The following BMAL2 variants were observed in gnomAD, a reference collection of about 807,000 sequenced individuals.
BMAL2 encodes basic helix-loop-helix ARNT like 2, also known as basic helix-loop-helix ARNT-like protein 2.
chr12:27,343,143 G>A, the BMAL2 span, among the ~76,000 whole-genome samples: 2 of 152,246 alleles, frequency 1.3e-5, no homozygotes, highest in Non-Finnish European at 2.9e-5. Flanking sequence ...TGCCGAGATC[G>A]TATTAAAGCC....
the BMAL2 span, among the ~76,000 whole-genome samples, chr12:27,386,527 A>G: frequency 1.3e-5 from 2 of 152,164 alleles, no homozygotes; most frequent in African/African-American, 4.8e-5. Context: ...TAATGTCTTC[A>G]TTGCTTCCCT....
the BMAL2 span, among the ~76,000 whole-genome samples, chr12:27,410,849 A>G: frequency 1.3e-5 from 2 of 152,076 alleles, no homozygotes; most frequent in African/African-American, 2.4e-5. Context: ...CTAAACATCA[A>G]AAAATCCAGA....
chr12:27,425,253 T>A, the BMAL2 span: 1 of 149,902 alleles, frequency 6.7e-6, no homozygotes, highest in East Asian at 1.9e-4. Flanking sequence ...CATTTGTAGT[T>A]TTTTTTTTTA....
the BMAL2 span, among the ~76,000 whole-genome samples, chr12:27,340,124 T>A: frequency 5.9e-5 from 9 of 152,220 alleles, no homozygotes; most frequent in Non-Finnish European, 1.2e-4. Context: ...ATTTGTCAAT[T>A]TTTCCTTTTG....
chr12:27,353,727 CAACA>C, the BMAL2 span, among the ~76,000 whole-genome samples: 1 of 151,814 alleles, frequency 6.6e-6, no homozygotes, highest in East Asian at 1.9e-4. Context: ...AATCAACCAG[CAACA>C]AACAACTGTA....
chr12:27,339,647 C>T, the BMAL2 span, among the ~76,000 whole-genome samples: 14 of 148,766 alleles, frequency 9.4e-5, no homozygotes, highest in African/African-American at 3.5e-4. Flanking sequence ...TTTTTTGAGA[C>T]GGAGTCTCGC....
At chr12:27,386,267 C>T in the BMAL2 span, among the ~76,000 whole-genome samples, 2 of 152,238 alleles carry the variant, frequency 1.3e-5, no homozygotes, top group African/African-American at 4.8e-5. Flanking sequence ...GCAAAATGTA[C>T]GATTTGCTTT....
At chr12:27,356,312 G>C in the BMAL2 span, among the ~76,000 whole-genome samples, 204 of 152,308 alleles carry the variant, frequency 1.3e-3, no homozygotes, top group African/African-American at 4.6e-3. Flanking sequence ...CCTTGGTGAG[G>C]ATTGGCCTCA....
At chr12:27,356,136 T>C in the BMAL2 span, among the ~76,000 whole-genome samples, 1 of 152,224 alleles carries the variant, frequency 6.6e-6, no homozygotes, top group Non-Finnish European at 1.5e-5. Context: ...GTTTAAATTA[T>C]ACAGCTTGGA....
the BMAL2 span, among the ~76,000 whole-genome samples, chr12:27,343,145 A>G: frequency 4.3e-4 from 66 of 152,392 alleles, no homozygotes; most frequent in African/African-American, 1.5e-3. Context: ...CCGAGATCGT[A>G]TTAAAGCCAT....
the BMAL2 span, among the ~76,000 whole-genome samples, chr12:27,369,883 A>G: frequency 1.3e-5 from 2 of 152,202 alleles, no homozygotes; most frequent in African/African-American, 4.8e-5. Context: ...ACTGAAGATT[A>G]TTTAGGTAAC....
the BMAL2 span, chr12:27,421,525 G>T: frequency 6.6e-6 from 1 of 152,270 alleles, no homozygotes; most frequent in Non-Finnish European, 1.5e-5. Context: ...GGAGGCTGAG[G>T]CGAGAGGATT....
At chr12:27,420,361 C>T in the BMAL2 span, 2 of 1,612,130 alleles carry the variant, frequency 1.2e-6, no homozygotes, top group African/African-American at 1.3e-5. Flanking sequence ...TTACTGATCA[C>T]CTTTACTTAC....
chr12:27,424,162 C>G, the BMAL2 span: 6 of 152,058 alleles, frequency 3.9e-5, no homozygotes, highest in Non-Finnish European at 7.4e-5. Flanking sequence ...GATTATATTT[C>G]TATTGGACAG....
At chr12:27,383,097 C>T in the BMAL2 span, among the ~76,000 whole-genome samples, 209 of 152,328 alleles carry the variant, frequency 1.4e-3, no homozygotes, top group South Asian at 3.7e-3. Flanking sequence ...CAGTGAAGCA[C>T]AGTGGTTCAC....
the BMAL2 span, among the ~76,000 whole-genome samples, chr12:27,398,222 C>G: frequency 1.3e-5 from 2 of 152,150 alleles, no homozygotes; most frequent in Non-Finnish European, 2.9e-5. Flanking sequence ...AGAGACCTAG[C>G]CTGCAACATG....
At chr12:27,375,159 A>G in the BMAL2 span, among the ~76,000 whole-genome samples, 2 of 152,188 alleles carry the variant, frequency 1.3e-5, no homozygotes, top group East Asian at 3.8e-4. Context: ...AAAAATCTGT[A>G]AAGAGGGAAA....
At chr12:27,382,484 T>TGAA in the BMAL2 span, among the ~76,000 whole-genome samples, 1 of 152,124 alleles carries the variant, frequency 6.6e-6, no homozygotes, top group African/African-American at 2.4e-5. Flanking sequence ...GGGGAGGCTG[T>TGAA]GAAAGCTCAG....
the BMAL2 span, among the ~76,000 whole-genome samples, chr12:27,407,135 A>G: frequency 1.6e-5 from 2 of 124,662 alleles, no homozygotes; most frequent in African/African-American, 5.6e-5. Flanking sequence ...CCCTCACACA[A>G]TAATAATGGG....
Sources: allele counts gnomAD v4.1 joint callset (sites outside exome capture counted in the v4.1 genomes callset), GRCh38; gene constraint gnomAD v4.1.1; transcripts MANE v1.5; gene names NCBI Gene and HGNC (gene_info 2026-07-23, HGNC 2026-07-21).